Variants in SMURF1 observed in about 807,000 individuals in gnomAD.
SMURF1 encodes E3 ubiquitin-protein ligase SMURF1.
A neutral mutation model predicts 98.0 loss-of-function variants in SMURF1; 44 were observed. The ratio of observed to expected loss-of-function variants is 0.45; its 90% CI spans 0.35 to 0.58. SMURF1 has a LOEUF of 0.58. Among genes scored for constraint, SMURF1 ranks in the 20% least tolerant of loss-of-function variants. The probability of loss-of-function intolerance (pLI) is 0.00; values close to 1 mark genes in which losing one functional copy is unlikely to be tolerated. For missense variants in SMURF1, 687 were observed against 938.4 expected (o/e 0.73, Z 3.50); for synonymous variants, 396 against 374.9 (o/e 1.06, Z -0.65).
At chr7:99,125,398 CTGTTTT>C (rs112892556) in intron 1 of SMURF1, among the ~76,000 whole-genome samples, 6,829 of 152,190 alleles carry the variant, frequency 0.045, 178 homozygotes, top group Middle Eastern at 0.068. Context: ...ATAAATGTTT[CTGTTTT>C]TGTTTTTGTT....
chr7:99,122,745 C>CTTTTTTTTTTTTTTTT (rs373204946), intron 1 of SMURF1, among the ~76,000 whole-genome samples: 1 of 112,432 alleles, frequency 8.9e-6, no homozygotes, highest in African/African-American at 3.5e-5. Context: ...TTCTTTCTTT[C>CTTTTTTTTTTTTTTTT]TTTTTTTTTT....
At position 99,027,994 on chromosome 7, in the gene SMURF1, C is replaced by T. The variant is rs1010786892; in HGVS notation, c.*2590G>A. The T allele has an allele frequency of 6.6e-6, 1 of 152,650 alleles. No individual in the cohort carries two copies. Among genetic ancestry groups the T allele is most frequent in the Non-Finnish European group, 1.5e-5 (1 of 68,056 alleles). 9.5% of individuals were successfully genotyped at this position (152,650 alleles called of 1,614,324 possible). A position where few individuals can be genotyped will look rare whatever the true frequency, so the allele number is the denominator to read the frequency against. ...CCCCGGGCCTCCCAGGCAGCCTCAG[C>T]TCTTCCTACTGAAAGCACTGGCGGA... On this transcript the variant is annotated 3_prime_UTR_variant, in exon 18 of 18. Transcript: ENST00000361368.
chr7:99,037,799 C>T (rs1795204528), intron 14 of SMURF1, among the ~76,000 whole-genome samples: 1 of 152,220 alleles, frequency 6.6e-6, no homozygotes, highest in South Asian at 2.1e-4. Flanking sequence ...GCCTGCAATG[C>T]CAGCCCCTTG....
intron 1 of SMURF1, among the ~76,000 whole-genome samples, chr7:99,133,241 G>A (rs772568293): frequency 3.9e-5 from 6 of 151,918 alleles, no homozygotes; most frequent in Admixed American, 6.6e-5. Flanking sequence ...TTTCCCTATC[G>A]TTAGAACCCA....
Position 99,040,630 on chromosome 7 carries a change from A to G in SMURF1, c.1372-74T>C, listed in dbSNP as rs758541751. 22 of 1,323,114 alleles carry G rather than the reference A, an allele frequency of 1.7e-5. No homozygotes were observed. The South Asian group carries it at 2.5e-4, about 15-fold the overall frequency. 82.0% of individuals were successfully genotyped at this position (1,323,114 alleles called of 1,614,324 possible). A position where few individuals can be genotyped will look rare whatever the true frequency, so the allele number is the denominator to read the frequency against. On this transcript the variant is annotated intron_variant, in intron 12 of 17. Transcript: ENST00000361368. ...ATGTGGGAATCTCGTGCTGTCCCCA[A>G]GCTTCTTGGGAAAAGTGTCCCAGAG... is the stretch of plus-strand genomic sequence containing the variant.
At chr7:99,074,255 C>T (rs1796401711) in intron 1 of SMURF1, among the ~76,000 whole-genome samples, 1 of 152,218 alleles carries the variant, frequency 6.6e-6, no homozygotes, top group Admixed American at 6.5e-5. Context: ...GCTCTATGTC[C>T]TGACCTGGAT....
intron 1 of SMURF1, among the ~76,000 whole-genome samples, chr7:99,113,742 G>A (rs1797375773): frequency 6.6e-6 from 1 of 150,822 alleles, no homozygotes; most frequent in African/African-American, 2.4e-5. Flanking sequence ...AGGAGGCTGA[G>A]GCAGGAGAAT....
chr7:99,099,601 C>T (rs1797029172), intron 1 of SMURF1, among the ~76,000 whole-genome samples: 1 of 152,108 alleles, frequency 6.6e-6, no homozygotes, highest in Admixed American at 6.5e-5. Flanking sequence ...CCCACTGTGG[C>T]AGCGGTGGGA....
chr7:99,032,501 T>G (rs563587236), intron 17 of SMURF1, among the ~76,000 whole-genome samples: 1 of 152,280 alleles, frequency 6.6e-6, no homozygotes, highest in South Asian at 2.1e-4. Context: ...AAACCCCATC[T>G]CTACTAAAAA....
chr7:99,108,632 A>AAAG (rs1554447374), intron 1 of SMURF1, among the ~76,000 whole-genome samples: 2 of 145,194 alleles, frequency 1.4e-5, no homozygotes, highest in African/African-American at 5.2e-5. Flanking sequence ...AAAAAAAAAA[A>AAAG]AAAGAAAGAA....
chr7:99,063,636 A>G (rs541857392), intron 1 of SMURF1, among the ~76,000 whole-genome samples: 1 of 152,060 alleles, frequency 6.6e-6, no homozygotes, highest in Non-Finnish European at 1.5e-5. Context: ...AAAGTGTGCA[A>G]TACAGTGGTT....
chr7:99,060,562 G>T, intron 3 of SMURF1, 37 bp downstream of exon 3: 1 of 1,455,888 alleles, frequency 6.9e-7, no homozygotes, highest in South Asian at 1.2e-5. Context: ...CTGCTTTCCT[G>T]CCGCTCCGCA....
chr7:99,131,607 G>T (rs1460923292), intron 1 of SMURF1, among the ~76,000 whole-genome samples: 17 of 152,126 alleles, frequency 1.1e-4, no homozygotes, highest in Non-Finnish European at 8.8e-5. Context: ...AGCTGGGCAT[G>T]GTGGCTCATG....
At chr7:99,076,103 G>C (rs868003249) in intron 1 of SMURF1, among the ~76,000 whole-genome samples, 21 of 151,932 alleles carry the variant, frequency 1.4e-4, no homozygotes, top group Admixed American at 1.2e-3. Flanking sequence ...ATGGGGTCTC[G>C]CAATGTTGCC....
intron 15 of SMURF1, 84 bp from the exon 16 acceptor site, chr7:99,035,800 A>C (rs1234652328): frequency 1.5e-6 from 2 of 1,361,834 alleles, no homozygotes; most frequent in Non-Finnish European, 2.0e-6. Context: ...GACACACAAC[A>C]GTGAAAAGTC....
chr7:99,035,546 T>G lies in SMURF1; in HGVS notation c.1980A>C (p.Arg660=). The G allele has an allele frequency of 6.2e-7, 1 of 1,614,232 alleles. No homozygotes were observed. The highest frequency in any genetic ancestry group is 8.5e-7 in the Non-Finnish European group (1 of 1,180,044). ...AAGCCTTGAAGCCTTGGAGCGGGAC[T>G]CGCGTGGACCCAGTCACAAACTGCA... ...RLLQFVTGST[R]VPLQGFKALQ... The change falls in exon 16 of 18, where the codon CGA becomes CGC. Residue 660 remains arginine, a synonymous_variant. Coordinates refer to ENST00000361368, the MANE Select transcript of SMURF1 (RefSeq NM_181349.3).
At chr7:99,035,971 A>G (rs956385922) in intron 15 of SMURF1, 5 of 514,394 alleles carry the variant, frequency 9.7e-6, no homozygotes, top group Non-Finnish European at 1.8e-5. Flanking sequence ...GTTATTTTAT[A>G]ACCAAAGCGG....
intron 5 of SMURF1, among the ~76,000 whole-genome samples, chr7:99,056,120 A>G (rs1313633075): frequency 2.6e-5 from 4 of 152,232 alleles, no homozygotes; most frequent in Admixed American, 6.5e-5. Flanking sequence ...CGCCACAAAG[A>G]AAAAAGAAAT....
In SMURF1 at chr7:99,110,752, AAAG is replaced by A. The variant is rs1436884025; in HGVS notation, c.55+32971_55+32973del. On this transcript the variant is annotated intron_variant, in intron 1 of 17. Coordinates refer to ENST00000361368, the MANE Select transcript of SMURF1 (RefSeq NM_181349.3). ...CGTCCATAGACAAACTGGCACATGTAAAGAAATGACATGCATGGGGCTACTTAG... is the reference window on the plus strand; with the variant it reads ...CGTCCATAGACAAACTGGCACATGTAAAATGACATGCATGGGGCTACTTAG... 2.6e-5 allele frequency among the ~76,000 whole-genome samples: 4 copies of A among 152,372 alleles called. No individual in the cohort carries two copies. In the South Asian group the frequency reaches 8.3e-4, roughly 32 times the overall value.
Sources: gnomAD v4.1 joint callset for allele counts (sites outside exome capture counted in the v4.1 genomes callset) on GRCh38, gnomAD v4.1.1 for gene constraint, MANE v1.5 for transcripts, NCBI Gene and HGNC (gene_info 2026-07-23, HGNC 2026-07-21) for gene names.